The following SFI1 variants were observed in gnomAD, a reference collection of about 807,000 sequenced individuals.
SFI1 encodes SFI1 centrin binding protein.
In SFI1, 195 loss-of-function variants were observed where a neutral mutation model predicts 207.5. That is an observed-to-expected ratio of 0.94 (90% CI 0.84 to 1.06). The LOEUF (loss-of-function observed/expected upper bound fraction) is 1.06, where lower values mean the gene tolerates loss of function less well. SFI1 is among the 50% of genes least tolerant of loss of function. The pLI, the probability that SFI1 is intolerant of heterozygous loss-of-function variation, is 0.00. For synonymous variants in SFI1, 630 were observed against 598.9 expected (o/e 1.05, Z -0.76); for missense variants, 1,634 against 1,588.0 (o/e 1.03, Z -0.49).
At chr22:31,597,353 A>G (rs1229801688) in intron 15 of SFI1, among the ~76,000 whole-genome samples, 3 of 152,006 alleles carry the variant, frequency 2.0e-5, no homozygotes, top group Non-Finnish European at 4.4e-5. Flanking sequence ...CTAGATTTTT[A>G]CCTGTTTTGG....
At chr22:31,612,868 T>C (rs2070609511) in intron 24 of SFI1, 1 of 481,560 alleles carries the variant, frequency 2.1e-6, no homozygotes, top group Non-Finnish European at 3.8e-6. Flanking sequence ...TGTTGTCCTG[T>C]TTTCACCATT....
At position 31,570,386 on chromosome 22, in the gene SFI1, T is replaced by C. The variant is rs761510158; in HGVS notation, c.766-2672T>C. Among the ~76,000 whole-genome samples, 3 of 152,136 alleles carry C rather than the reference T, an allele frequency of 2.0e-5. No homozygotes were observed. In the East Asian group the frequency reaches 5.8e-4, roughly 29 times the overall value. On this transcript the variant is annotated intron_variant, in intron 8 of 32. Transcript: ENST00000400288. The stretch of plus-strand genomic sequence containing the variant: ...AACAATGGAGTGCCATTTACTGAAA[T>C]AGGAAAGACTGCAGGAGAAGCAGGT...
intron 20 of SFI1, chr22:31,605,184 A>G (rs2068760230): frequency 2.8e-6 from 1 of 356,492 alleles, no homozygotes; most frequent in African/African-American, 2.1e-5. Flanking sequence ...CTTAAAGGCC[A>G]CTTGTCTTGC....
chr22:31,508,396 A>G lies in SFI1; in HGVS notation c.92+20A>G. 6.7e-7 allele frequency: 1 copy of G among 1,498,822 alleles called. No homozygotes were observed. Among genetic ancestry groups the G allele is most frequent in the African/African-American group, 1.4e-5 (1 of 72,420 alleles). The allele number at this position is 1,498,822 out of a possible 1,614,324, so 92.8% of individuals were successfully genotyped here. A position where few individuals can be genotyped will look rare whatever the true frequency, so the allele number is the denominator to read the frequency against. ...TTCCAGGTGAGTGATGGGACTTGAGAAAAAAATATAACTGGAATGATGGTT... is the reference window on the plus strand; with the variant it reads ...TTCCAGGTGAGTGATGGGACTTGAGGAAAAAATATAACTGGAATGATGGTT... On this transcript the variant is annotated intron_variant, in intron 2 of 32. Transcript: ENST00000400288.
intron 2 of SFI1, among the ~76,000 whole-genome samples, chr22:31,519,887 A>G (rs898154401): frequency 1.1e-4 from 17 of 152,010 alleles, no homozygotes; most frequent in African/African-American, 4.1e-4. Flanking sequence ...TTTTTATTTT[A>G]AACTTTTAAT....
intron 2 of SFI1, among the ~76,000 whole-genome samples, chr22:31,511,730 T>C (rs2055588343): frequency 6.6e-6 from 1 of 152,090 alleles, no homozygotes; most frequent in Non-Finnish European, 1.5e-5. Flanking sequence ...CTTGGCTCAC[T>C]GAAGCCTCTG....
chr22:31,539,763 T>C (rs1354448948), intron 4 of SFI1, among the ~76,000 whole-genome samples: 2 of 151,974 alleles, frequency 1.3e-5, no homozygotes, highest in African/African-American at 4.8e-5. Context: ...TTGCCTAGGC[T>C]AGAGTGCAAT....
At chr22:31,587,567 A>C (rs2065205243) in intron 14 of SFI1, 1 of 164,340 alleles carries the variant, frequency 6.1e-6, no homozygotes, top group South Asian at 1.5e-4. Context: ...AGCATCCCAA[A>C]GTGCTGGGAT....
At chr22:31,599,484 G>A (rs966106445) in intron 15 of SFI1, among the ~76,000 whole-genome samples, 7 of 151,918 alleles carry the variant, frequency 4.6e-5, no homozygotes, top group Non-Finnish European at 1.0e-4. Flanking sequence ...ACGCCACCAC[G>A]CCCAGCTAAT....
intron 7 of SFI1, among the ~76,000 whole-genome samples, chr22:31,558,796 AT>A (rs1261185944): frequency 6.6e-6 from 1 of 151,626 alleles, no homozygotes; most frequent in East Asian, 1.9e-4. Context: ...TTTTTATATA[AT>A]TAATTCATTT....
At chr22:31,543,000 C>G (rs931290630) in intron 4 of SFI1, among the ~76,000 whole-genome samples, 1 of 134,322 alleles carries the variant, frequency 7.4e-6, no homozygotes, top group Admixed American at 8.4e-5. Flanking sequence ...GAGACGGAGT[C>G]TCACTCTGTC....
In SFI1 at chr22:31,602,275, C is replaced by G. The variant is rs368813848; in HGVS notation, c.1608C>G (p.Asn536Lys). The G allele has an allele frequency of 2.2e-5, 36 of 1,613,934 alleles. No individual in the cohort carries two copies. Among genetic ancestry groups the G allele is most frequent in the Admixed American group, 5.0e-5 (3 of 60,000 alleles). ...AGAAGATGTTTCAGCATCGAGAAAA[C>G]CGCCTGGCAGAGAGAATGGTAAATG... ...WRQKMFQHRE[N>K]RLAERMAILH... is the part of the protein sequence containing the mutation. The change falls in exon 16 of 33, where the codon AAC becomes AAG. Residue 536 changes from asparagine (N) to lysine (K), a missense_variant. Physicochemically the swap from Asn to Lys is moderately conservative, Grantham distance 94. Coordinates refer to ENST00000400288, the MANE Select transcript of SFI1 (RefSeq NM_001007467.3).
chr22:31,528,426 A>G lies in SFI1; in HGVS notation c.93-264A>G, dbSNP rs144280426. Among the ~76,000 whole-genome samples the G allele has an allele frequency of 1.6e-4, 24 of 152,226 alleles. No homozygotes were observed. In the East Asian group the frequency reaches 4.5e-3, roughly 28 times the overall value. Reference sequence around the variant, plus strand: ...GCAACGGAGTAAGAACCTGTCTCAAACAAAAGAAAACTGTGTTAGGCCTAA... The same window carrying G: ...GCAACGGAGTAAGAACCTGTCTCAAGCAAAAGAAAACTGTGTTAGGCCTAA... On this transcript the variant is annotated intron_variant, in intron 2 of 32. Coordinates refer to ENST00000400288, the MANE Select transcript of SFI1 (RefSeq NM_001007467.3).
intron 15 of SFI1, among the ~76,000 whole-genome samples, chr22:31,593,139 C>CCA (rs1448835912): frequency 0.028 from 4,041 of 145,340 alleles, 57 homozygotes; most frequent in Non-Finnish European, 0.033. Flanking sequence ...GGGCTGACCC[C>CCA]CCCCCACCTC....
chr22:31,612,378 T>TAAAAAAAAAA (rs1211677628), intron 24 of SFI1: 1 of 62,264 alleles, frequency 1.6e-5, no homozygotes, highest in Non-Finnish European at 2.6e-5. Flanking sequence ...AGACTCTGTC[T>TAAAAAAAAAA]AAAAAAAAAA....
intron 6 of SFI1, among the ~76,000 whole-genome samples, chr22:31,553,176 AAG>A (rs1423514377): frequency 2.0e-5 from 3 of 152,154 alleles, no homozygotes; most frequent in African/African-American, 7.2e-5. Context: ...TGACTAGTGT[AAG>A]ATGATATCTC....
chr22:31,545,172 G>T (rs1326270781), intron 4 of SFI1, among the ~76,000 whole-genome samples: 1 of 152,062 alleles, frequency 6.6e-6, no homozygotes, highest in East Asian at 1.9e-4. Flanking sequence ...TTTGAGACCA[G>T]CCTGACCAAC....
At chr22:31,591,779 A>AC (rs1381810319) in intron 15 of SFI1, among the ~76,000 whole-genome samples, 3 of 41,946 alleles carry the variant, frequency 7.2e-5, no homozygotes, top group East Asian at 1.2e-3. Context: ...GGGGGGGCTG[A>AC]CCCCCCCCAC....
rs1569421859 is a variant in SFI1, at chr22:31,594,003, GGA to G, written c.1544+4427_1544+4428del. Among the ~76,000 whole-genome samples the G allele has an allele frequency of 6.2e-3, 540 of 87,144 alleles. 4 individuals carry two copies. Among genetic ancestry groups the G allele is most frequent in the African/African-American group, 0.016 (378 of 24,202 alleles). 57.2% of individuals were successfully genotyped at this position (87,144 alleles called of 152,430 possible). ...AGACGGAGACGAGGGAGAGGGAGAG[GGA>G]CAGGGAGAGGGAGAGGGAGAGGGAG... On this transcript the variant is annotated intron_variant, in intron 15 of 32. Coordinates refer to ENST00000400288, the MANE Select transcript of SFI1 (RefSeq NM_001007467.3).
Sources: allele counts gnomAD v4.1 joint callset (sites outside exome capture counted in the v4.1 genomes callset), GRCh38; gene constraint gnomAD v4.1.1; transcripts MANE v1.5; gene names NCBI Gene and HGNC (gene_info 2026-07-23, HGNC 2026-07-21).